Variants in GREB1L observed in about 807,000 individuals in gnomAD.
GREB1L encodes the protein GREB1-like protein.
Under a neutral mutation model 200.8 loss-of-function variants are expected in GREB1L, and 17 were observed. The observed-to-expected ratio is 0.08, with a 90% CI of 0.06 to 0.13. The LOEUF is 0.13. Ranked by LOEUF, GREB1L falls within the 10% of genes least tolerant of loss-of-function variation. GREB1L has a pLI of 1.00. For missense variants in GREB1L, 1,657 were observed against 2,367.7 expected (o/e 0.70, Z 6.23); for synonymous variants, 789 against 893.0 (o/e 0.88, Z 2.08).
chr18:21,326,245 A>G (rs1186449410), intron 1 of GREB1L, among the ~76,000 whole-genome samples: 1 of 152,222 alleles, frequency 6.6e-6, no homozygotes, highest in Non-Finnish European at 1.5e-5. Flanking sequence ...ACACACACAC[A>G]TGCAAAAACA....
intron 15 of GREB1L, among the ~76,000 whole-genome samples, chr18:21,456,724 G>A (rs780145748): frequency 3.3e-5 from 5 of 152,040 alleles, no homozygotes; most frequent in Non-Finnish European, 5.9e-5. Flanking sequence ...GTGATGAGCT[G>A]GAAAAGGTCA....
At chr18:21,451,733 A>G (rs555255530) in intron 13 of GREB1L, among the ~76,000 whole-genome samples, 4 of 151,380 alleles carry the variant, frequency 2.6e-5, no homozygotes, top group African/African-American at 9.7e-5. Context: ...GCCTCAAGCA[A>G]TCCTCCTGTG....
Position 21,435,246 on chromosome 18 carries a change from C to A in GREB1L, c.833-4275C>A, listed in dbSNP as rs138821913. Reference sequence around the variant, plus strand: ...GTACTAGTGTATGAAGCTTTATGTTCTCTGCCTTCCAACCAGAAGAGTCAG... The same window carrying A: ...GTACTAGTGTATGAAGCTTTATGTTATCTGCCTTCCAACCAGAAGAGTCAG... On this transcript the variant is annotated intron_variant, in intron 7 of 32. Transcript: ENST00000424526. 1.4e-3 allele frequency among the ~76,000 whole-genome samples: 217 copies of A among 152,320 alleles called. 1 individual carries two copies. The highest frequency in any genetic ancestry group is 4.9e-3 in the African/African-American group (205 of 41,578).
chr18:21,457,761 T>C (rs1310149740), intron 15 of GREB1L, among the ~76,000 whole-genome samples: 2 of 152,178 alleles, frequency 1.3e-5, no homozygotes, highest in Non-Finnish European at 2.9e-5. Context: ...ACTAGAAGCA[T>C]GTTAAAATGT....
intron 28 of GREB1L, among the ~76,000 whole-genome samples, chr18:21,514,682 C>G (rs1465475399): frequency 6.6e-6 from 1 of 152,188 alleles, no homozygotes; most frequent in African/African-American, 2.4e-5. Context: ...AGCAGTCCTC[C>G]TGCCTTGGCC....
At chr18:21,493,104 G>A (rs371714453) in intron 19 of GREB1L, among the ~76,000 whole-genome samples, 31 of 152,212 alleles carry the variant, frequency 2.0e-4, no homozygotes, top group East Asian at 1.2e-3. Context: ...AGTAGATTGC[G>A]GCTCACTCAT....
At chr18:21,406,894 A>G (rs2030314779) in intron 7 of GREB1L, among the ~76,000 whole-genome samples, 1 of 67,510 alleles carries the variant, frequency 1.5e-5, no homozygotes, top group Admixed American at 1.7e-4. Context: ...TTTTTTTTTG[A>G]TACGGAGTCT....
At chr18:21,257,812 A>G (rs1287013520) in intron 1 of GREB1L, among the ~76,000 whole-genome samples, 1 of 152,234 alleles carries the variant, frequency 6.6e-6, no homozygotes, top group Non-Finnish European at 1.5e-5. Flanking sequence ...GAAATTAATA[A>G]TTTAATTCAA....
At chr18:21,279,603 G>A (rs899217113) in intron 1 of GREB1L, among the ~76,000 whole-genome samples, 2 of 152,098 alleles carry the variant, frequency 1.3e-5, no homozygotes, top group African/African-American at 4.8e-5. Flanking sequence ...TGCGAATTTA[G>A]CGGGTTTAAA....
intron 1 of GREB1L, among the ~76,000 whole-genome samples, chr18:21,247,134 ATTC>A (rs2037617615): frequency 6.6e-6 from 1 of 152,038 alleles, no homozygotes; most frequent in African/African-American, 2.4e-5. Context: ...CTTCCCTCCC[ATTC>A]TTGACTGGTG....
intron 7 of GREB1L, among the ~76,000 whole-genome samples, chr18:21,429,500 A>T (rs1426725534): frequency 6.6e-6 from 1 of 151,428 alleles, no homozygotes; most frequent in African/African-American, 2.4e-5. Flanking sequence ...AAACCATGGC[A>T]CCCAGCCATT....
At chr18:21,428,462 T>C (rs1008170658) in intron 7 of GREB1L, among the ~76,000 whole-genome samples, 1 of 149,592 alleles carries the variant, frequency 6.7e-6, no homozygotes, top group African/African-American at 2.4e-5. Flanking sequence ...GTTTTTGTCG[T>C]GAAAGAATGT....
At chr18:21,348,235 G>A (rs1384988711) in intron 1 of GREB1L, among the ~76,000 whole-genome samples, 3 of 151,686 alleles carry the variant, frequency 2.0e-5, no homozygotes, top group African/African-American at 4.8e-5. Context: ...GTGAGCCACC[G>A]CGCCTGGCTT....
intron 17 of GREB1L, among the ~76,000 whole-genome samples, chr18:21,478,082 T>C (rs1450703471): frequency 6.6e-6 from 1 of 152,234 alleles, no homozygotes; most frequent in Non-Finnish European, 1.5e-5. Context: ...CTTTTTGTCA[T>C]GTTTTAGTCT....
Position 21,444,286 on chromosome 18 carries a change from G to A in GREB1L, c.1270G>A (p.Val424Met), listed in dbSNP as rs1424779948. 1 of 1,551,516 alleles carries A rather than the reference G, an allele frequency of 6.4e-7. No individual in the cohort carries two copies. The highest frequency in any genetic ancestry group is 8.7e-7 in the Non-Finnish European group (1 of 1,146,742). ...TGACATTGTTGTGAGTCCTCTGCTGGTGAATTGCTACAAGATTCCACAGTT... is the reference window on the plus strand; with the variant it reads ...TGACATTGTTGTGAGTCCTCTGCTGATGAATTGCTACAAGATTCCACAGTT... ...VGDIVVSPLL[V>M]NCYKIPQLEN... Residue 424 changes from valine to methionine, a missense_variant, in exon 11 of 33, where the codon GTG (valine) becomes ATG (methionine). Physicochemically the swap from Val to Met is conservative, Grantham distance 21. Transcript: ENST00000424526.
intron 1 of GREB1L, among the ~76,000 whole-genome samples, chr18:21,297,825 G>T (rs1416714802): frequency 6.6e-6 from 1 of 151,886 alleles, no homozygotes; most frequent in Non-Finnish European, 1.5e-5. Context: ...GGAGAATTCT[G>T]ATGATTAAAA....
chr18:21,406,870 T>C (rs1598774506), intron 7 of GREB1L, among the ~76,000 whole-genome samples: 2 of 139,720 alleles, frequency 1.4e-5, no homozygotes, highest in African/African-American at 5.8e-5. Flanking sequence ...CTTAACATTT[T>C]CTTCCTTTTT....
rs2036001567 is a variant in GREB1L at position 21,483,524 on chromosome 18, G to A, written c.2557-2096G>A. Among the ~76,000 whole-genome samples the A allele has an allele frequency of 4.6e-5, 7 of 152,232 alleles. No homozygotes were observed. In the South Asian group the frequency reaches 1.2e-3, roughly 27 times the overall value. ...CCAGTATCTCTAGGAACATATTCCG[G>A]TGCTCTCATAAAGCCTGTTTACCCT... On this transcript the variant is annotated intron_variant, in intron 17 of 32. Transcript: ENST00000424526.
intron 7 of GREB1L, among the ~76,000 whole-genome samples, chr18:21,426,296 A>T (rs1293860282): frequency 6.6e-6 from 1 of 152,014 alleles, no homozygotes; most frequent in Non-Finnish European, 1.5e-5. Flanking sequence ...TGACCTCGTG[A>T]TCCGCCTGCC....
Sources: gnomAD v4.1 joint callset for allele counts (sites outside exome capture counted in the v4.1 genomes callset) on GRCh38, gnomAD v4.1.1 for gene constraint, MANE v1.5 for transcripts, NCBI Gene and HGNC (gene_info 2026-07-23, HGNC 2026-07-21) for gene names.